The following MIPOL1 variants were observed in gnomAD, a reference collection of about 807,000 sequenced individuals.
MIPOL1 encodes the protein mirror-image polydactyly 1.
In MIPOL1, 57 loss-of-function variants were observed where a neutral mutation model predicts 60.9. The observed-to-expected ratio is 0.94, with a 90% CI of 0.76 to 1.17. The LOEUF (loss-of-function observed/expected upper bound fraction) is 1.17. Among genes scored for constraint, MIPOL1 ranks in the 50% most tolerant of loss-of-function variants. MIPOL1 has a pLI of 0.00. For missense variants in MIPOL1, 551 were observed against 511.6 expected, an observed-to-expected ratio of 1.08 and a Z score of -0.74; for synonymous variants, 179 against 168.8, an observed-to-expected ratio of 1.06 and a Z score of -0.47.
In MIPOL1 at chr14:37,200,455, G is replaced by A. The variant is rs144539894; in HGVS notation, c.-199+2351G>A. Among the ~76,000 whole-genome samples the A allele has an allele frequency of 1.2e-3, 184 of 152,300 alleles. 2 individuals are homozygous for A. Among genetic ancestry groups the A allele is most frequent in the East Asian group, 9.6e-4 (5 of 5,188 alleles). ...AGTTATTCAAGACTCCACCAAGAGG[G>A]TGTGAGGGGAAAACTTTTATAAGGT... is the stretch of plus-strand genomic sequence containing the variant. On this transcript the variant is annotated intron_variant, in intron 1 of 12. Coordinates refer to ENST00000684589, the MANE Select transcript of MIPOL1 (RefSeq NM_001388067.1).
chr14:37,421,012 A>C (rs2093863983), intron 10 of MIPOL1, among the ~76,000 whole-genome samples: 1 of 152,178 alleles, frequency 6.6e-6, no homozygotes, highest in Admixed American at 6.6e-5. Context: ...GATACTGGGA[A>C]TTAAGAAATT....
At chr14:37,517,040 G>A (rs2095374645) in intron 12 of MIPOL1, among the ~76,000 whole-genome samples, 1 of 151,990 alleles carries the variant, frequency 6.6e-6, no homozygotes. Context: ...AAAGTTAAAG[G>A]GGAGGCAACT....
chr14:37,314,124 GT>G (rs1033777584), intron 9 of MIPOL1, among the ~76,000 whole-genome samples: 1 of 151,880 alleles, frequency 6.6e-6, no homozygotes, highest in African/African-American at 2.4e-5. Context: ...TGGTTTTATT[GT>G]TGAAAATATT....
intron 11 of MIPOL1, among the ~76,000 whole-genome samples, chr14:37,435,783 G>A (rs1032469737): frequency 6.9e-6 from 1 of 145,824 alleles, no homozygotes; most frequent in African/African-American, 2.5e-5. Flanking sequence ...AATTTTTTAT[G>A]TACATGTATT....
At chr14:37,309,522 C>G (rs2087110618) in intron 9 of MIPOL1, among the ~76,000 whole-genome samples, 1 of 151,932 alleles carries the variant, frequency 6.6e-6, no homozygotes, top group African/African-American at 2.4e-5. Context: ...CTCTTATTTC[C>G]TAAATTTCTC....
At chr14:37,349,987 A>G (rs1478440523) in intron 9 of MIPOL1, among the ~76,000 whole-genome samples, 6 of 152,142 alleles carry the variant, frequency 3.9e-5, no homozygotes, top group Non-Finnish European at 8.8e-5. Context: ...TTTTTTTTAA[A>G]TCTGAATTAT....
At chr14:37,291,760 A>G (rs1005283624) in intron 7 of MIPOL1, among the ~76,000 whole-genome samples, 2 of 152,096 alleles carry the variant, frequency 1.3e-5, no homozygotes, top group African/African-American at 4.8e-5. Context: ...AAGTCATCAC[A>G]TGGTGGAAAG....
chr14:37,263,939 T>C (rs1240317174), intron 3 of MIPOL1, among the ~76,000 whole-genome samples: 1 of 152,212 alleles, frequency 6.6e-6, no homozygotes, highest in Non-Finnish European at 1.5e-5. Context: ...TCTTTTAAAT[T>C]GACTAATATG....
intron 11 of MIPOL1, among the ~76,000 whole-genome samples, chr14:37,480,057 A>T (rs192468884): frequency 6.6e-6 from 1 of 152,298 alleles, no homozygotes; most frequent in Non-Finnish European, 1.5e-5. Context: ...AAAAAATTTC[A>T]TAAAAAGTTG....
chr14:37,319,574 A>G (rs953287832), intron 9 of MIPOL1, among the ~76,000 whole-genome samples: 3 of 152,202 alleles, frequency 2.0e-5, no homozygotes, highest in African/African-American at 7.2e-5. Flanking sequence ...GGAACCTATT[A>G]TAATTGAGGC....
chr14:37,309,735 G>A (rs2087134240), intron 9 of MIPOL1, among the ~76,000 whole-genome samples: 1 of 150,740 alleles, frequency 6.6e-6, no homozygotes, highest in African/African-American at 2.4e-5. Flanking sequence ...CACCCAGGCT[G>A]GAGTGCAGTA....
intron 9 of MIPOL1, among the ~76,000 whole-genome samples, chr14:37,344,300 CT>C (rs2090784763): frequency 6.6e-6 from 1 of 151,804 alleles, no homozygotes. Context: ...TTTTATTCCC[CT>C]GGAATTTATT....
Position 37,547,210 on chromosome 14 carries a change from T to C in MIPOL1, c.*239T>C. The C allele has an allele frequency of 2.3e-6, 1 of 437,578 alleles. No individual in the cohort carries two copies. Among genetic ancestry groups the C allele is most frequent in the Non-Finnish European group, 4.1e-6 (1 of 246,736 alleles). 27.1% of individuals were successfully genotyped at this position (437,578 alleles called of 1,614,324 possible). ...TTTTACCAATGGGTAGCTATAAGGT[T>C]ACAGCTTATTTTGTAACTATTTTAT... On this transcript the variant is annotated 3_prime_UTR_variant, in exon 13 of 13. Coordinates refer to ENST00000684589, the MANE Select transcript of MIPOL1 (RefSeq NM_001388067.1).
intron 1 of MIPOL1, among the ~76,000 whole-genome samples, chr14:37,245,266 A>C (rs1973017042): frequency 6.6e-6 from 1 of 152,182 alleles, no homozygotes; most frequent in Non-Finnish European, 1.5e-5. Flanking sequence ...ATTCTCTATT[A>C]GAACTTTCCT....
In MIPOL1 at chr14:37,308,418, A is replaced by G. The variant is rs1331444983; in HGVS notation, c.727A>G (p.Ile243Val). 4 of 1,606,296 alleles carry G rather than the reference A, an allele frequency of 2.5e-6. No homozygotes were observed. The highest frequency in any genetic ancestry group is 1.7e-5 in the Admixed American group (1 of 58,070). Residue 243 changes from isoleucine to valine, a missense_variant, in exon 9 of 13, where the codon ATA (isoleucine) becomes GTA (valine). Physicochemically the swap from Ile to Val is conservative, Grantham distance 29. Transcript: ENST00000684589. ...TGIAIQKNGA[I>V]IVDRIYKTKE... ...GATAGCTATTCAGAAGAATGGAGCT[A>G]TAATTGTGGATAGAATCTACAAGAC...
rs1015227394 is a variant in MIPOL1 at position 37,277,190 on chromosome 14, AAAT to A, written c.493+6668_493+6670del. On this transcript the variant is annotated intron_variant, in intron 6 of 12. Transcript: ENST00000684589. ...TGTAATTAAGGTATTTAAAACATAA[AAAT>A]AACAAAAATAAAACTTTTCAGAAAG... The A allele has an allele frequency of 5.9e-5, 9 of 151,442 alleles. No homozygotes were observed. In the East Asian group the frequency reaches 7.7e-4, roughly 13 times the overall value. The allele number at this position is 151,442 out of a possible 1,614,324, so 9.4% of individuals were successfully genotyped here. A position where few individuals can be genotyped will look rare whatever the true frequency, so the allele number is the denominator to read the frequency against.
intron 9 of MIPOL1, among the ~76,000 whole-genome samples, chr14:37,360,261 G>A (rs913111080): frequency 5.9e-5 from 9 of 152,086 alleles, no homozygotes; most frequent in Non-Finnish European, 1.2e-4. Flanking sequence ...TATTGATCAG[G>A]GATGTTGGTC....
At chr14:37,511,711 C>T (rs1188607876) in intron 12 of MIPOL1, among the ~76,000 whole-genome samples, 1 of 152,120 alleles carries the variant, frequency 6.6e-6, no homozygotes, top group Non-Finnish European at 1.5e-5. Flanking sequence ...CACATAGTTT[C>T]TTAAAGTAAA....
chr14:37,448,949 T>C (rs2094378693), intron 11 of MIPOL1, among the ~76,000 whole-genome samples: 1 of 152,180 alleles, frequency 6.6e-6, no homozygotes, highest in Non-Finnish European at 1.5e-5. Flanking sequence ...CAAGTTTAAG[T>C]TCTTCAGGTA....
Sources: allele counts gnomAD v4.1 joint callset (sites outside exome capture counted in the v4.1 genomes callset), GRCh38; gene constraint gnomAD v4.1.1; transcripts MANE v1.5; gene names NCBI Gene and HGNC (gene_info 2026-07-23, HGNC 2026-07-21).